Variants in ANO2 observed in about 807,000 individuals in gnomAD.
The protein encoded by ANO2 is anoctamin 2.
ANO2 carries 101 observed loss-of-function variants against 124.2 expected under a neutral mutation model. That is an observed-to-expected ratio of 0.81 (90% CI 0.69 to 0.96). ANO2 has a LOEUF of 0.96. Among genes scored for constraint, ANO2 ranks in the 40% least tolerant of loss-of-function variants. The pLI is 0.00. For synonymous variants in ANO2, 486 were observed against 482.5 expected, an observed-to-expected ratio of 1.01 and a Z score of -0.09; for missense variants, 1,293 against 1,274.5, an observed-to-expected ratio of 1.01 and a Z score of -0.22.
chr12:5,706,962 C>T (rs1949633213), intron 14 of ANO2, among the ~76,000 whole-genome samples: 1 of 152,176 alleles, frequency 6.6e-6, no homozygotes, highest in African/African-American at 2.4e-5. Flanking sequence ...TCTGCACTTG[C>T]CAGCCAGGTG....
Position 5,925,772 on chromosome 12 carries a change from A to C in ANO2, c.23-2968T>G, listed in dbSNP as rs1219097045. Among the ~76,000 whole-genome samples the C allele has an allele frequency of 6.6e-6, 1 of 152,224 alleles. No homozygotes were observed. Among genetic ancestry groups the C allele is most frequent in the East Asian group, 1.9e-4 (1 of 5,198 alleles). On this transcript the variant is annotated intron_variant, in intron 1 of 24. Coordinates refer to ENST00000682330, the MANE Select transcript of ANO2 (RefSeq NM_001364791.2). This position sits in a 1 kb window ranked among gnomAD's most constrained non-coding sequence, Gnocchi z 4.6. ...TTGAACAACAGATCCTTGGGTGTTC[A>C]TAACTGCAATGCCGTGAGGGTGGGG...
At chr12:5,672,216 C>T (rs251763) in intron 14 of ANO2, among the ~76,000 whole-genome samples, 18,676 of 152,074 alleles carry the variant, frequency 0.12, 1,384 homozygotes, top group African/African-American at 0.22. Context: ...AAAGCTAAAC[C>T]CAAAGCCATG....
chr12:5,741,855 G>A (rs1281828314), intron 12 of ANO2, among the ~76,000 whole-genome samples: 2 of 152,156 alleles, frequency 1.3e-5, no homozygotes, highest in African/African-American at 2.4e-5. Context: ...CAAGAGTATT[G>A]ACTTTAGTGA....
intron 15 of ANO2, among the ~76,000 whole-genome samples, chr12:5,645,304 G>A (rs1285604340): frequency 3.3e-5 from 5 of 152,044 alleles, no homozygotes; most frequent in African/African-American, 9.7e-5. Context: ...CAGGAGAATC[G>A]CTTGAACCCG....
intron 15 of ANO2, among the ~76,000 whole-genome samples, chr12:5,643,478 G>A (rs2136950719): frequency 6.6e-6 from 1 of 152,158 alleles, no homozygotes; most frequent in African/African-American, 2.4e-5. Context: ...CTGTTTCCAG[G>A]TTGAGTTATT....
At chr12:5,919,646 A>G (rs1265238105) in intron 3 of ANO2, among the ~76,000 whole-genome samples, 2 of 145,874 alleles carry the variant, frequency 1.4e-5, no homozygotes, top group Non-Finnish European at 3.0e-5. Context: ...GCAGGAAGGT[A>G]GGGAGGGTGG....
intron 10 of ANO2, among the ~76,000 whole-genome samples, chr12:5,791,440 A>T (rs1402540315): frequency 6.6e-6 from 1 of 152,208 alleles, no homozygotes; most frequent in East Asian, 1.9e-4. Context: ...TCATAAGCCA[A>T]GGTCGACTAT....
chr12:5,629,020 C>A (rs1388506165), intron 16 of ANO2, among the ~76,000 whole-genome samples: 1 of 152,176 alleles, frequency 6.6e-6, no homozygotes, highest in Non-Finnish European at 1.5e-5. Flanking sequence ...GGCAGTGACA[C>A]TCAGGAGTGG....
chr12:5,853,033 GC>G (rs1427457128), intron 4 of ANO2, among the ~76,000 whole-genome samples: 2 of 151,982 alleles, frequency 1.3e-5, no homozygotes, highest in Non-Finnish European at 2.9e-5. Context: ...AAAGTCAATA[GC>G]CACCCCTTTC....
chr12:5,923,316 T>C lies in ANO2; in HGVS notation c.23-512A>G, dbSNP rs1293658614. ...GCGTGGAGCCACCAGCAGGAGCTCC[T>C]TCGGATCATGGCTGTCATAATCTCT... On this transcript the variant is annotated intron_variant, in intron 1 of 24. Coordinates refer to ENST00000682330, the MANE Select transcript of ANO2 (RefSeq NM_001364791.2). Among the ~76,000 whole-genome samples, 3 of 150,364 alleles carry C rather than the reference T, an allele frequency of 2.0e-5. No individual in the cohort carries two copies. The East Asian group carries it at 6.0e-4, about 30-fold the overall frequency.
Position 5,635,285 on chromosome 12 carries a change from A to G in ANO2, c.1683T>C (p.Ala561=). 6.2e-7 allele frequency: 1 copy of G among 1,610,308 alleles called. No homozygotes were observed. The highest frequency in any genetic ancestry group is 8.5e-7 in the Non-Finnish European group (1 of 1,178,964). ...VIVYRITTAA[A]LSLNKATRSN... is the part of the protein sequence containing the mutation. ...AGCGTGTAGCCTTATTGAGAGACAG[A>G]GCGGCTGCAGTTGTTATTCGATACA... is the stretch of plus-strand genomic sequence containing the variant. Residue 561 remains alanine, a synonymous_variant, in exon 16 of 25, where the codon GCT becomes GCC. Transcript: ENST00000682330. The surrounding 1 kb of genome is among the most constrained non-coding windows in gnomAD (Gnocchi z 5.2).
intron 1 of ANO2, among the ~76,000 whole-genome samples, chr12:5,937,264 C>T (rs763620512): frequency 7.9e-5 from 12 of 152,144 alleles, no homozygotes; most frequent in Non-Finnish European, 1.8e-4. Flanking sequence ...AACAGGTATG[C>T]GATGATATCT....
chr12:5,675,582 G>A (rs559960779), intron 14 of ANO2, among the ~76,000 whole-genome samples: 107 of 152,202 alleles, frequency 7.0e-4, no homozygotes, highest in African/African-American at 2.3e-3. Context: ...GACATTTTTC[G>A]CTGAGGAGCC....
chr12:5,575,435 G>A (rs1001014496), intron 23 of ANO2, among the ~76,000 whole-genome samples: 7 of 152,162 alleles, frequency 4.6e-5, no homozygotes, highest in Admixed American at 6.5e-5. Flanking sequence ...GTTGCTTAAC[G>A]ATGGGGATAT....
rs769548858 is a variant in ANO2 at position 5,854,045 on chromosome 12, T to C, written c.631A>G (p.Lys211Glu). The C allele has an allele frequency of 6.2e-7, 1 of 1,612,710 alleles. No homozygotes were observed. The highest frequency in any genetic ancestry group is 8.5e-7 in the Non-Finnish European group (1 of 1,179,096). ...EFLKIKVPTK[K>E]MYEIKAGGSI... ...ACCCAGGAGAAACATGCTCATACTT[T>C]CTTGGTAGGAACTTTGATCTTCAAG... Residue 211 changes from lysine to glutamate, a missense_variant and splice_region_variant, in exon 4 of 25, where the codon AAA (lysine) becomes GAA (glutamate). Physicochemically the swap from Lys to Glu is moderately conservative, Grantham distance 56. Coordinates refer to ENST00000682330, the MANE Select transcript of ANO2 (RefSeq NM_001364791.2).
At chr12:5,738,649 G>A (rs574470459) in intron 13 of ANO2, among the ~76,000 whole-genome samples, 12 of 152,184 alleles carry the variant, frequency 7.9e-5, no homozygotes, top group African/African-American at 2.4e-4. Flanking sequence ...GAATTATGGT[G>A]GGAATAGATC....
chr12:5,856,978 C>G (rs903699354), intron 3 of ANO2, among the ~76,000 whole-genome samples: 1 of 152,146 alleles, frequency 6.6e-6, no homozygotes, highest in Non-Finnish European at 1.5e-5. Context: ...AGTCATGTTC[C>G]TTTCATGCTG....
intron 3 of ANO2, among the ~76,000 whole-genome samples, chr12:5,873,583 T>C (rs1012912262): frequency 5.9e-5 from 9 of 152,194 alleles, no homozygotes; most frequent in Non-Finnish European, 1.3e-4. Context: ...GGGAGGAGCA[T>C]GTCCTGGCGA....
intron 1 of ANO2, among the ~76,000 whole-genome samples, chr12:5,932,444 AAAG>A (rs1186520953): frequency 4.7e-5 from 7 of 149,468 alleles, no homozygotes; most frequent in Non-Finnish European, 7.5e-5. Flanking sequence ...ACTAATAAGG[AAAG>A]AAGGTAGACG....
Sources: gnomAD v4.1 joint callset for allele counts (sites outside exome capture counted in the v4.1 genomes callset) on GRCh38, gnomAD v4.1.1 for gene constraint, Gnocchi (gnomAD v3.1) non-coding constraint, MANE v1.5 for transcripts, NCBI Gene and HGNC (gene_info 2026-07-23, HGNC 2026-07-21) for gene names.